The following KIDINS220 variants were observed in gnomAD, a reference collection of about 807,000 sequenced individuals.
KIDINS220 encodes the protein kinase D-interacting substrate of 220 kDa.
KIDINS220 carries 63 observed loss-of-function variants against 157.6 expected under a neutral mutation model. That is an observed-to-expected ratio of 0.40 (90% CI 0.33 to 0.49). The LOEUF (loss-of-function observed/expected upper bound fraction) is 0.49. KIDINS220 is among the 20% of genes least tolerant of loss of function. The probability of loss-of-function intolerance (pLI) is 0.66; values close to 1 mark genes in which losing one functional copy is unlikely to be tolerated. For synonymous variants in KIDINS220, 732 were observed against 783.6 expected, an observed-to-expected ratio of 0.93 and a Z score of 1.10; for missense variants, 1,772 against 2,171.2, an observed-to-expected ratio of 0.82 and a Z score of 3.65.
chr2:8,837,465 T>C lies in KIDINS220; in HGVS notation c.-37+15A>G, dbSNP rs1680601110. On this transcript the variant is annotated intron_variant, in intron 1 of 29. Transcript: ENST00000256707. ...AAGCTTCGCGGACCGGCCTCCACACTGACGGTCTCCCAACCTGGTCCTCAG... is the reference window on the plus strand; with the variant it reads ...AAGCTTCGCGGACCGGCCTCCACACCGACGGTCTCCCAACCTGGTCCTCAG... The C allele has an allele frequency of 6.6e-6, 1 of 152,320 alleles. No homozygotes were observed. The highest frequency in any genetic ancestry group is 6.5e-5 in the Admixed American group (1 of 15,292). 9.4% of individuals were successfully genotyped at this position (152,320 alleles called of 1,614,324 possible). A position where few individuals can be genotyped will look rare whatever the true frequency, so the allele number is the denominator to read the frequency against.
In KIDINS220 at chr2:8,812,512, T is replaced by TGGTA. The variant is rs1676467186; in HGVS notation, c.406-23_406-20dup. On this transcript the variant is annotated intron_variant, in intron 5 of 29. Coordinates refer to ENST00000256707, the MANE Select transcript of KIDINS220 (RefSeq NM_020738.4). ...CACTGTACTGCTAGGATAGATTGGT[T>TGGTA]GGTAGGTAGGTAGATAAGTAGGAAG... The TGGTA allele has an allele frequency of 1.4e-6, 2 of 1,444,302 alleles. No homozygotes were observed. The highest frequency in any genetic ancestry group is 2.6e-5 in the East Asian group (1 of 38,786). The allele number at this position is 1,444,302 out of a possible 1,614,324, so 89.5% of individuals were successfully genotyped here. A position where few individuals can be genotyped will look rare whatever the true frequency, so the allele number is the denominator to read the frequency against.
At chr2:8,771,716 CATATAG>C (rs1558387978) in intron 21 of KIDINS220, among the ~76,000 whole-genome samples, 1 of 152,136 alleles carries the variant, frequency 6.6e-6, no homozygotes, top group Non-Finnish European at 1.5e-5. Context: ...TATAGATATA[CATATAG>C]ATATATAAGC....
intron 26 of KIDINS220, among the ~76,000 whole-genome samples, chr2:8,741,043 T>C (rs1286892555): frequency 2.0e-5 from 3 of 152,242 alleles, no homozygotes; most frequent in African/African-American, 4.8e-5. Flanking sequence ...GTTTACACTA[T>C]CGACCTTATT....
downstream of KIDINS220, chr2:8,726,798 C>G (rs917005917): frequency 5.3e-5 from 27 of 512,086 alleles, no homozygotes; most frequent in East Asian, 1.7e-3. Flanking sequence ...CTTATGGGCC[C>G]ACTGTCACAG....
At chr2:8,832,634 C>T (rs1194554304) in intron 1 of KIDINS220, among the ~76,000 whole-genome samples, 1 of 152,160 alleles carries the variant, frequency 6.6e-6, no homozygotes, top group Non-Finnish European at 1.5e-5. Context: ...CTTCACGCGT[C>T]TTTGTGCTAT....
At chr2:8,819,348 T>G (rs185079326) in intron 2 of KIDINS220, among the ~76,000 whole-genome samples, 1 of 152,262 alleles carries the variant, frequency 6.6e-6, no homozygotes, top group Admixed American at 6.5e-5. Context: ...TGTCCCAGCC[T>G]TTGTGTTAAG....
chr2:8,778,530 G>A (rs934637225), intron 20 of KIDINS220, 109 bp downstream of exon 20: 10 of 804,936 alleles, frequency 1.2e-5, no homozygotes, highest in Non-Finnish European at 2.2e-5. Flanking sequence ...ATGTTTATTT[G>A]AAGCGTTTAA....
intron 21 of KIDINS220, among the ~76,000 whole-genome samples, chr2:8,771,169 T>C (rs1156370177): frequency 6.6e-6 from 1 of 152,142 alleles, no homozygotes; most frequent in African/African-American, 2.4e-5. Context: ...GAGCAGAACA[T>C]CCATTCACCC....
chr2:8,770,291 A>C (rs1173312484), intron 22 of KIDINS220, among the ~76,000 whole-genome samples: 2 of 152,128 alleles, frequency 1.3e-5, no homozygotes, highest in Non-Finnish European at 2.9e-5. Context: ...CTACAGTCCT[A>C]GCTACTTGGG....
At chr2:8,792,867 A>G (rs1160844654) in intron 12 of KIDINS220, among the ~76,000 whole-genome samples, 2 of 152,250 alleles carry the variant, frequency 1.3e-5, no homozygotes, top group Admixed American at 1.3e-4. Context: ...ATATACGTAC[A>G]AAGGTGTTCA....
intron 22 of KIDINS220, chr2:8,757,429 T>C: frequency 7.9e-7 from 1 of 1,270,648 alleles, no homozygotes. Flanking sequence ...GCTTTAACCT[T>C]TAGTCATGAG....
At chr2:8,770,942 AT>A in intron 21 of KIDINS220, 110 bp from the exon 22 acceptor site, 1 of 604,714 alleles carries the variant, frequency 1.7e-6, no homozygotes, top group Non-Finnish European at 2.5e-6. Context: ...TTACCATTTA[AT>A]TTATACTACA....
At chr2:8,810,151 G>A (rs1450661945) in intron 6 of KIDINS220, among the ~76,000 whole-genome samples, 3 of 152,132 alleles carry the variant, frequency 2.0e-5, no homozygotes, top group Admixed American at 6.5e-5. Flanking sequence ...AGAGGAAGTC[G>A]CATTCTTTTA....
At chr2:8,737,456 AG>A (rs1213578113) in intron 26 of KIDINS220, among the ~76,000 whole-genome samples, 1 of 152,250 alleles carries the variant, frequency 6.6e-6, no homozygotes, top group Non-Finnish European at 1.5e-5. Flanking sequence ...AGCAACTTTG[AG>A]TGTTTCTACA....
intron 29 of KIDINS220, among the ~76,000 whole-genome samples, chr2:8,732,247 T>C (rs1458752913): frequency 6.6e-6 from 1 of 152,224 alleles, no homozygotes; most frequent in African/African-American, 2.4e-5. Flanking sequence ...ACAAATAATC[T>C]TAGCACTTGT....
intron 7 of KIDINS220, among the ~76,000 whole-genome samples, chr2:8,804,022 C>G (rs565057215): frequency 4.6e-5 from 7 of 152,324 alleles, no homozygotes; most frequent in Non-Finnish European, 8.8e-5. Context: ...AATAACACAG[C>G]CTTTTCAAAT....
chr2:8,747,376 C>A (rs1237533352), intron 25 of KIDINS220, 175 bp from the exon 26 acceptor site: 1 of 587,274 alleles, frequency 1.7e-6, no homozygotes, highest in Non-Finnish European at 3.0e-6. Context: ...TAAACTATTA[C>A]TTTTATCATC....
At chr2:8,740,428 A>T (rs1665469769) in intron 26 of KIDINS220, among the ~76,000 whole-genome samples, 1 of 152,166 alleles carries the variant, frequency 6.6e-6, no homozygotes, top group Non-Finnish European at 1.5e-5. Flanking sequence ...TCCTAAAAAA[A>T]ATTATATTTT....
chr2:8,776,789 G>T lies in KIDINS220; in HGVS notation c.2807C>A (p.Pro936His), dbSNP rs202054411. 1.2e-6 allele frequency: 2 copies of T among 1,613,808 alleles called. No individual in the cohort carries two copies. Among genetic ancestry groups the T allele is most frequent in the South Asian group, 1.1e-5 (1 of 91,068 alleles). The change falls in exon 21 of 30, where the codon CCC becomes CAC. Residue 936 changes from proline (P) to histidine (H), a missense_variant. Pro to His is a moderately conservative substitution (Grantham distance 77). Transcript: ENST00000256707. Reference sequence around the variant, plus strand: ...ATTAAGTAATCTTCTCATGGTCTGGGGACTGATGTCACTGAACCAGTCCTC... The same window carrying T: ...ATTAAGTAATCTTCTCATGGTCTGGTGACTGATGTCACTGAACCAGTCCTC... Reference protein sequence around the residue: ...VTEDWFSDISPQTMRRLLNIV... With the variant: ...VTEDWFSDISHQTMRRLLNIV...
Sources: gnomAD v4.1 joint callset for allele counts (sites outside exome capture counted in the v4.1 genomes callset) on GRCh38, gnomAD v4.1.1 for gene constraint, MANE v1.5 for transcripts, NCBI Gene and HGNC (gene_info 2026-07-23, HGNC 2026-07-21) for gene names.